The following PEBP4 variants were observed in gnomAD, a reference collection of about 807,000 sequenced individuals.
PEBP4 encodes the protein phosphatidylethanolamine binding protein 4.
Under a neutral mutation model 23.9 loss-of-function variants are expected in PEBP4, and 22 were observed. That is an observed-to-expected ratio of 0.92 (90% CI 0.66 to 1.31). The LOEUF is 1.31. Among genes scored for constraint, PEBP4 ranks in the 40% most tolerant of loss-of-function variants. PEBP4 has a pLI of 0.00. For synonymous variants in PEBP4, 112 were observed against 99.3 expected, an observed-to-expected ratio of 1.13 and a Z score of -0.76; for missense variants, 324 against 281.7, an observed-to-expected ratio of 1.15 and a Z score of -1.07.
intron 4 of PEBP4, among the ~76,000 whole-genome samples, chr8:22,731,790 C>T (rs990920153): frequency 3.3e-5 from 5 of 151,482 alleles, no homozygotes; most frequent in African/African-American, 1.2e-4. Context: ...TCCCGAGTAG[C>T]TGGGACTACA....
chr8:22,805,029 C>T (rs992619699), intron 4 of PEBP4, among the ~76,000 whole-genome samples: 1 of 152,192 alleles, frequency 6.6e-6, no homozygotes, highest in Non-Finnish European at 1.5e-5. Flanking sequence ...CCACGGTTCT[C>T]AGGACTCAAC....
chr8:22,805,793 T>C (rs1217838960), intron 4 of PEBP4, among the ~76,000 whole-genome samples: 1 of 151,728 alleles, frequency 6.6e-6, no homozygotes, highest in East Asian at 1.9e-4. Context: ...TCTATTTTTT[T>C]TTAAAAAAAA....
upstream of PEBP4, among the ~76,000 whole-genome samples, chr8:22,930,920 C>T (rs988258741): frequency 8.5e-5 from 13 of 152,146 alleles, no homozygotes; most frequent in Non-Finnish European, 5.9e-5. Context: ...CCTTCAGTTA[C>T]CTGGGCTGGG....
chr8:22,741,625 G>C (rs781158286), intron 4 of PEBP4, among the ~76,000 whole-genome samples: 6 of 152,158 alleles, frequency 3.9e-5, no homozygotes, highest in Non-Finnish European at 7.4e-5. Flanking sequence ...AGCGGAACCT[G>C]GGTCACTGTG....
At chr8:22,777,731 TGAG>T (rs1370461700) in intron 4 of PEBP4, among the ~76,000 whole-genome samples, 1 of 152,044 alleles carries the variant, frequency 6.6e-6, no homozygotes, top group African/African-American at 2.4e-5. Context: ...GCCTTCCTCT[TGAG>T]GAGGAGGAGA....
At chr8:22,822,813 GA>G (rs1806889964) in intron 3 of PEBP4, among the ~76,000 whole-genome samples, 1 of 151,902 alleles carries the variant, frequency 6.6e-6, no homozygotes, top group African/African-American at 2.4e-5. Context: ...AACTTGGATA[GA>G]AAAAGAAATA....
At chr8:22,866,251 A>C (rs959460892) in intron 3 of PEBP4, among the ~76,000 whole-genome samples, 1 of 152,242 alleles carries the variant, frequency 6.6e-6, no homozygotes, top group Admixed American at 6.5e-5. Context: ...AAGGCCACGC[A>C]GGCCAATCTT....
intron 4 of PEBP4, among the ~76,000 whole-genome samples, chr8:22,764,612 T>C (rs1805573093): frequency 6.6e-6 from 1 of 152,048 alleles, no homozygotes; most frequent in South Asian, 2.1e-4. Context: ...TTGGAATGTG[T>C]GTTTGGTAAG....
chr8:22,728,448 C>T (rs1028553237), intron 4 of PEBP4, among the ~76,000 whole-genome samples: 51 of 152,130 alleles, frequency 3.4e-4, no homozygotes, highest in Non-Finnish European at 6.8e-4. Flanking sequence ...CCTTCCCCCA[C>T]GAGCCCCTTG....
chr8:22,715,660 G>C (rs1461842466), intron 6 of PEBP4, among the ~76,000 whole-genome samples: 1 of 152,228 alleles, frequency 6.6e-6, no homozygotes, highest in Admixed American at 6.5e-5. Context: ...AGTGCCCTGG[G>C]GCACTCGTGG....
chr8:22,854,734 A>G (rs1366134459), intron 3 of PEBP4, among the ~76,000 whole-genome samples: 2 of 152,216 alleles, frequency 1.3e-5, no homozygotes, highest in African/African-American at 4.8e-5. Context: ...TAAAGACATT[A>G]TAACGTGTAA....
chr8:22,814,607 C>A (rs1285631960), intron 4 of PEBP4, among the ~76,000 whole-genome samples: 2 of 152,308 alleles, frequency 1.3e-5, no homozygotes, highest in Middle Eastern at 3.4e-3. Flanking sequence ...TCCAGTTAGA[C>A]CTGGCCCCCT....
intron 3 of PEBP4, among the ~76,000 whole-genome samples, chr8:22,872,023 T>C (rs939054355): frequency 2.6e-5 from 4 of 152,190 alleles, no homozygotes; most frequent in African/African-American, 9.7e-5. Flanking sequence ...TGAAAACATA[T>C]GATATTTGGT....
At chr8:22,859,505 C>A (rs1007478504) in intron 3 of PEBP4, among the ~76,000 whole-genome samples, 10 of 152,122 alleles carry the variant, frequency 6.6e-5, no homozygotes, top group Non-Finnish European at 1.2e-4. Context: ...GTGAGATGAG[C>A]CTCGGGACCT....
intron 4 of PEBP4, among the ~76,000 whole-genome samples, chr8:22,744,092 G>A (rs1343602898): frequency 6.6e-6 from 1 of 152,238 alleles, no homozygotes; most frequent in African/African-American, 2.4e-5. Context: ...AGAGACTCAA[G>A]TTGTTCTTTG....
At position 22,927,593 on chromosome 8, in the gene PEBP4, AG is replaced by A. The variant is rs1460395515; in HGVS notation, c.121del (p.Leu41SerfsTer38). On this transcript the variant is annotated frameshift_variant, in exon 2 of 7. Transcript: ENST00000256404. LOFTEE classifies it high-confidence loss of function. ...GCCTGCCCTGACTTACTGGCAAAAGAGGGTGTCCTCGTCCAAGAGGGCCTCA... is the reference window on the plus strand; with the variant it reads ...GCCTGCCCTGACTTACTGGCAAAAGAGGTGTCCTCGTCCAAGAGGGCCTCA... ...AHEALLDEDT[L>X]FCQGLEVFYP... is the part of the protein sequence containing the mutation. The A allele has an allele frequency of 6.2e-7, 1 of 1,610,532 alleles. No individual in the cohort carries two copies. The highest frequency in any genetic ancestry group is 2.2e-5 in the East Asian group (1 of 44,728).
chr8:22,724,170 T>C (rs1250110640), intron 6 of PEBP4, among the ~76,000 whole-genome samples: 1 of 152,182 alleles, frequency 6.6e-6, no homozygotes, highest in African/African-American at 2.4e-5. Context: ...GTCGGGGGCA[T>C]GGCTCACACT....
At chr8:22,930,119 G>C (rs529087815), upstream of PEBP4, among the ~76,000 whole-genome samples, 12 of 152,122 alleles carry the variant, frequency 7.9e-5, no homozygotes. Flanking sequence ...AGTCCTTCAC[G>C]TGGACCACAA....
At chr8:22,939,358 T>G (rs991254663) in intron 1 of PEBP4, among the ~76,000 whole-genome samples, 22 of 152,046 alleles carry the variant, frequency 1.4e-4, no homozygotes, top group African/African-American at 5.3e-4. Context: ...AAAGAAGCCC[T>G]TCAATGAAAA....
Sources: gnomAD v4.1 joint callset for allele counts (sites outside exome capture counted in the v4.1 genomes callset) on GRCh38, gnomAD v4.1.1 for gene constraint, MANE v1.5 for transcripts, NCBI Gene and HGNC (gene_info 2026-07-23, HGNC 2026-07-21) for gene names.